Variants in FAM168A observed in about 807,000 individuals in gnomAD.
The protein encoded by FAM168A is family with sequence similarity 168 member A.
FAM168A carries 3 observed loss-of-function variants against 28.5 expected under a neutral mutation model. The ratio of observed to expected loss-of-function variants is 0.11; its 90% CI spans 0.05 to 0.27. FAM168A has a LOEUF of 0.27. Among genes scored for constraint, FAM168A ranks in the 10% least tolerant of loss-of-function variants. The pLI is 1.00. For synonymous variants in FAM168A, 122 were observed against 124.2 expected (o/e 0.98, Z 0.12); for missense variants, 222 against 311.5 (o/e 0.71, Z 2.16).
Position 73,557,468 on chromosome 11 carries a change from G to A in FAM168A, c.-19+40455C>T, listed in dbSNP as rs554350261. ...TGGTCTTGAACTCCTGAGCTCAAGCGATCCTCCTGCCTTGGCCTCCCAAAG... is the reference window on the plus strand; with the variant it reads ...TGGTCTTGAACTCCTGAGCTCAAGCAATCCTCCTGCCTTGGCCTCCCAAAG... On this transcript the variant is annotated intron_variant, in intron 1 of 7. Coordinates refer to ENST00000356467, the MANE Select transcript of FAM168A (RefSeq NM_015159.3). Among the ~76,000 whole-genome samples, 80 of 152,070 alleles carry A rather than the reference G, an allele frequency of 5.3e-4. 1 individual carries two copies. Among genetic ancestry groups the A allele is most frequent in the African/African-American group, 1.7e-3 (71 of 41,496 alleles).
chr11:73,561,621 C>T (rs548680818), intron 1 of FAM168A, among the ~76,000 whole-genome samples: 19 of 152,242 alleles, frequency 1.2e-4, no homozygotes, highest in East Asian at 1.2e-3. Context: ...CTAATAAGTA[C>T]ATTAAAATTA....
At chr11:73,448,371 C>T (rs1458678889) in intron 2 of FAM168A, among the ~76,000 whole-genome samples, 6 of 152,112 alleles carry the variant, frequency 3.9e-5, no homozygotes, top group African/African-American at 7.2e-5. Context: ...TTATGCTAAG[C>T]GCTTCACATT....
At position 73,407,561 on chromosome 11, in the gene FAM168A, A is replaced by G; in HGVS notation, c.678T>C (p.Pro226=). 1 of 1,605,192 alleles carries G rather than the reference A, an allele frequency of 6.2e-7. No homozygotes were observed. The highest frequency in any genetic ancestry group is 8.5e-7 in the Non-Finnish European group (1 of 1,176,904). The change falls in exon 7 of 8, where the codon CCT becomes CCC. Residue 226 remains proline (P), a synonymous_variant. Transcript: ENST00000356467. The part of the protein sequence containing the change: ...SMPTYRAQGT[P]AYSYVPPHW ...AGTGTGGGGGCACGTAGCTGTACGC[A>G]GGGGTTCCTTGGGCCCTATATGTTG...
At chr11:73,434,027 G>T (rs1281776662) in intron 2 of FAM168A, among the ~76,000 whole-genome samples, 1 of 151,974 alleles carries the variant, frequency 6.6e-6, no homozygotes, top group Non-Finnish European at 1.5e-5. Context: ...TGTATTTTTG[G>T]TAGAGATGGG....
At chr11:73,412,973 A>G (rs1866639125) in intron 4 of FAM168A, among the ~76,000 whole-genome samples, 1 of 152,144 alleles carries the variant, frequency 6.6e-6, no homozygotes, top group African/African-American at 2.4e-5. Flanking sequence ...TTTCATGACA[A>G]TTGTCAAGTC....
chr11:73,474,963 T>G (rs902812577), intron 1 of FAM168A, among the ~76,000 whole-genome samples: 1 of 152,138 alleles, frequency 6.6e-6, no homozygotes, highest in African/African-American at 2.4e-5. Flanking sequence ...AAATAGGCAA[T>G]GGTAAGGCCC....
chr11:73,465,953 G>A (rs1232417464), intron 2 of FAM168A, among the ~76,000 whole-genome samples: 2 of 151,454 alleles, frequency 1.3e-5, no homozygotes, highest in Non-Finnish European at 2.9e-5. Flanking sequence ...TCGGTAAAGG[G>A]GCTTTAAAAG....
At chr11:73,563,912 A>C (rs1216092411) in intron 1 of FAM168A, among the ~76,000 whole-genome samples, 1 of 152,236 alleles carries the variant, frequency 6.6e-6, no homozygotes. Flanking sequence ...TAATTAACTG[A>C]GGCCCAAGAT....
At chr11:73,474,605 T>A (rs1433724395) in intron 1 of FAM168A, among the ~76,000 whole-genome samples, 1 of 152,228 alleles carries the variant, frequency 6.6e-6, no homozygotes, top group Admixed American at 6.5e-5. Context: ...ATTTTCAACA[T>A]AAGTTTTATA....
rs1026259516 is a variant in FAM168A at position 73,484,968 on chromosome 11, G to A, written c.-18-16476C>T. Among the ~76,000 whole-genome samples, 5 of 151,802 alleles carry A rather than the reference G, an allele frequency of 3.3e-5. No individual in the cohort carries two copies. The East Asian group carries it at 7.8e-4, about 24-fold the overall frequency. ...TTTTTCTGCCTGCTTTATATTCAAC[G>A]GTAGCTGATTAGATGGTGCCCACCC... On this transcript the variant is annotated intron_variant, in intron 1 of 7. Transcript: ENST00000356467.
At chr11:73,460,184 A>T (rs951412759) in intron 2 of FAM168A, among the ~76,000 whole-genome samples, 12 of 151,936 alleles carry the variant, frequency 7.9e-5, no homozygotes, top group Non-Finnish European at 1.8e-4. Flanking sequence ...CCGGCCTCCA[A>T]ATGAAATTTT....
At chr11:73,523,473 A>G (rs1943410097) in intron 1 of FAM168A, among the ~76,000 whole-genome samples, 1 of 152,082 alleles carries the variant, frequency 6.6e-6, no homozygotes, top group Non-Finnish European at 1.5e-5. Flanking sequence ...ACATTTGATT[A>G]AAGCTAATAG....
chr11:73,536,415 C>T lies in FAM168A; in HGVS notation c.-19+61508G>A, dbSNP rs148909838. ...TAAATAGGCCTCCCCAGGCCAAGCG[C>T]GGTAGATCACGCCTGTAATCCCAGC... On this transcript the variant is annotated intron_variant, in intron 1 of 7. Coordinates refer to ENST00000356467, the MANE Select transcript of FAM168A (RefSeq NM_015159.3). 8.2e-3 allele frequency among the ~76,000 whole-genome samples: 1,254 copies of T among 152,250 alleles called. 14 individuals are homozygous for T. The highest frequency in any genetic ancestry group is 0.026 in the African/African-American group (1,089 of 41,518).
chr11:73,474,773 T>C (rs1032766517), intron 1 of FAM168A, among the ~76,000 whole-genome samples: 2 of 152,186 alleles, frequency 1.3e-5, no homozygotes, highest in Non-Finnish European at 2.9e-5. Context: ...AGGCACCAAA[T>C]ACATATTAGT....
chr11:73,588,354 T>G (rs773002662), intron 1 of FAM168A, among the ~76,000 whole-genome samples: 5 of 152,140 alleles, frequency 3.3e-5, no homozygotes, highest in South Asian at 4.1e-4. Flanking sequence ...AGATGAGTGG[T>G]GATATTAACA....
At chr11:73,437,388 C>T (rs1590774599) in intron 2 of FAM168A, among the ~76,000 whole-genome samples, 2 of 149,670 alleles carry the variant, frequency 1.3e-5, no homozygotes, top group South Asian at 4.2e-4. Context: ...TGAGCTACCA[C>T]GCCCGGCCAC....
intron 1 of FAM168A, among the ~76,000 whole-genome samples, chr11:73,592,494 T>C (rs1382760884): frequency 6.6e-6 from 1 of 152,194 alleles, no homozygotes; most frequent in Non-Finnish European, 1.5e-5. Context: ...CAACTTTGAG[T>C]TGATTTCTGT....
chr11:73,434,241 C>T (rs1170115292), intron 2 of FAM168A, among the ~76,000 whole-genome samples: 2 of 152,076 alleles, frequency 1.3e-5, no homozygotes, highest in African/African-American at 4.8e-5. Flanking sequence ...GTGAACAAAA[C>T]AAAGATTCCT....
chr11:73,409,441 G>C, intron 6 of FAM168A, 46 bp downstream of exon 6: 1 of 1,607,036 alleles, frequency 6.2e-7, no homozygotes, highest in Non-Finnish European at 8.5e-7. Flanking sequence ...TCCGTTTTGA[G>C]TTCCTAGAGG....
Sources: gnomAD v4.1 joint callset for allele counts (sites outside exome capture counted in the v4.1 genomes callset) on GRCh38, gnomAD v4.1.1 for gene constraint, MANE v1.5 for transcripts, NCBI Gene and HGNC (gene_info 2026-07-23, HGNC 2026-07-21) for gene names.